The following ADAMTS2 variants were observed in gnomAD, a reference collection of about 807,000 sequenced individuals.
ADAMTS2 encodes the protein ADAM metallopeptidase with thrombospondin type 1 motif 2, also known as A disintegrin and metalloproteinase with thrombospondin motifs 2.
A neutral mutation model predicts 123.0 loss-of-function variants in ADAMTS2; 50 were observed. That is an observed-to-expected ratio of 0.41 (90% CI 0.32 to 0.51). The LOEUF (loss-of-function observed/expected upper bound fraction) is 0.51, where lower values mean the gene tolerates loss of function less well. Ranked by LOEUF, ADAMTS2 falls within the 20% of genes least tolerant of loss-of-function variation. The probability of loss-of-function intolerance (pLI) is 0.35; values close to 1 mark genes in which losing one functional copy is unlikely to be tolerated. For synonymous variants in ADAMTS2, 678 were observed against 695.4 expected, an observed-to-expected ratio of 0.98 and a Z score of 0.39; for missense variants, 1,494 against 1,705.2, an observed-to-expected ratio of 0.88 and a Z score of 2.18.
At chr5:179,207,471 A>ACCCAACCCCCCCCCCCCCCCCCCCCC in intron 4 of ADAMTS2, 42 bp downstream of exon 4, 1 of 1,026,474 alleles carries the variant, frequency 9.7e-7, no homozygotes, top group Non-Finnish European at 1.5e-6. Context: ...CCCCTGGTTG[A>ACCCAACCCCCCCCCCCCCCCCCCCCC]CCCTCCCCGC....
At chr5:179,306,994 G>C (rs1352288868) in intron 2 of ADAMTS2, among the ~76,000 whole-genome samples, 4 of 152,190 alleles carry the variant, frequency 2.6e-5, no homozygotes, top group African/African-American at 9.6e-5. Context: ...ACCAGGGCCA[G>C]TCCCACATCT....
At chr5:179,153,695 G>A in intron 8 of ADAMTS2, 72 bp from the exon 9 acceptor site, 3 of 1,532,340 alleles carry the variant, frequency 2.0e-6, no homozygotes, top group Non-Finnish European at 2.6e-6. Context: ...AGGCAGCTGA[G>A]GCCCCTGCTG....
intron 3 of ADAMTS2, among the ~76,000 whole-genome samples, chr5:179,212,205 G>T (rs962439470): frequency 6.6e-5 from 10 of 151,866 alleles, no homozygotes; most frequent in Non-Finnish European, 4.4e-5. Flanking sequence ...CAGTGGGCAG[G>T]TGTGGGATCT....
intron 3 of ADAMTS2, among the ~76,000 whole-genome samples, chr5:179,233,249 T>C (rs1765450664): frequency 6.6e-6 from 1 of 152,264 alleles, no homozygotes; most frequent in Non-Finnish European, 1.5e-5. Flanking sequence ...GACATTTTTC[T>C]TTCCAATCCT....
chr5:179,303,664 C>T lies in ADAMTS2; in HGVS notation c.535-30600G>A, dbSNP rs1251425014. Among the ~76,000 whole-genome samples, 2 of 152,194 alleles carry T rather than the reference C, an allele frequency of 1.3e-5. No homozygotes were observed. The highest frequency in any genetic ancestry group is 1.9e-4 in the East Asian group (1 of 5,200). On this transcript the variant is annotated intron_variant, in intron 2 of 21. Transcript: ENST00000251582. The surrounding 1 kb of genome is among the most constrained non-coding windows in gnomAD (Gnocchi z 4.7). ...TTTCCTATTTCCTTTTTCTTTTCTT[C>T]GTGTTCTCACACGCCAGCTCATGGC...
intron 3 of ADAMTS2, among the ~76,000 whole-genome samples, chr5:179,218,698 T>G (rs974608785): frequency 6.6e-6 from 1 of 152,206 alleles, no homozygotes; most frequent in Non-Finnish European, 1.5e-5. Flanking sequence ...GGAACCGCTG[T>G]GCCGAATCTC....
chr5:179,344,902 ACT>A (rs1757896643), intron 1 of ADAMTS2, among the ~76,000 whole-genome samples: 1 of 151,580 alleles, frequency 6.6e-6, no homozygotes, highest in South Asian at 2.1e-4. Context: ...GCTGGGGCTG[ACT>A]CTGCGCTCTT....
rs1223164319 is a variant in ADAMTS2, at chr5:179,114,188, C to A, written c.3315G>T (p.Arg1105Ser). 5 of 1,612,150 alleles carry A rather than the reference C, an allele frequency of 3.1e-6. No individual in the cohort carries two copies. Among genetic ancestry groups the A allele is most frequent in the Non-Finnish European group, 4.2e-6 (5 of 1,178,420 alleles). The change falls in exon 22 of 22, where the codon AGG becomes AGT. Residue 1105 changes from arginine to serine, a missense_variant. Around this residue, in one of 6 missense-constraint regions of ADAMTS2, gnomAD observed 953 missense variants for 1,124.7 expected, o/e 0.85. Coordinates refer to ENST00000251582, the MANE Select transcript of ADAMTS2 (RefSeq NM_014244.5). ...TGTGCTTCCCAGGCGGTGGCTCTAT[C>A]CTGCCCTCCACGTTGGTGAGGTTGT... is the stretch of plus-strand genomic sequence containing the variant. ...LYNNLTNVEG[R>S]IEPPPGKHND...
chr5:179,226,725 G>A (rs1290385516), intron 3 of ADAMTS2, among the ~76,000 whole-genome samples: 1 of 152,202 alleles, frequency 6.6e-6, no homozygotes, highest in Non-Finnish European at 1.5e-5. Flanking sequence ...CCTTATCAAA[G>A]TTGAAAATGC....
intron 3 of ADAMTS2, among the ~76,000 whole-genome samples, chr5:179,239,776 G>A (rs566157211): frequency 2.9e-4 from 44 of 152,228 alleles, no homozygotes; most frequent in Non-Finnish European, 4.6e-4. Context: ...AGAGGGTGCG[G>A]GAAGAGGAAG....
chr5:179,329,578 A>G (rs1031420368), intron 2 of ADAMTS2, among the ~76,000 whole-genome samples: 36 of 152,166 alleles, frequency 2.4e-4, no homozygotes, highest in Admixed American at 2.3e-3. Flanking sequence ...TCAAGTCAGG[A>G]AAAAAGCAAA....
At chr5:179,133,869 ATT>A (rs58394791) in intron 13 of ADAMTS2, among the ~76,000 whole-genome samples, 34,812 of 145,074 alleles carry the variant, frequency 0.24, 4,059 homozygotes, top group Non-Finnish European at 0.26. Flanking sequence ...GTCCCAGCTA[ATT>A]TTTTTTTTTT....
intron 10 of ADAMTS2, among the ~76,000 whole-genome samples, chr5:179,147,816 A>T (rs1165916093): frequency 6.6e-6 from 1 of 152,214 alleles, no homozygotes; most frequent in Non-Finnish European, 1.5e-5. Flanking sequence ...GGGGAAGTGT[A>T]TCAGTGGCAC....
At chr5:179,223,703 C>T (rs558304315) in intron 3 of ADAMTS2, among the ~76,000 whole-genome samples, 12 of 152,350 alleles carry the variant, frequency 7.9e-5, no homozygotes, top group East Asian at 1.9e-4. Context: ...AATGCTCTTA[C>T]ATGCACACAA....
At chr5:179,291,371 G>A (rs1190543554) in intron 2 of ADAMTS2, among the ~76,000 whole-genome samples, 1 of 152,208 alleles carries the variant, frequency 6.6e-6, no homozygotes, top group Non-Finnish European at 1.5e-5. Flanking sequence ...CAAAGGTTCC[G>A]TGTCATTTCC....
In ADAMTS2 at chr5:179,303,983, G is replaced by A. The variant is rs191443974; in HGVS notation, c.535-30919C>T. Among the ~76,000 whole-genome samples the A allele has an allele frequency of 8.4e-3, 1,285 of 152,322 alleles. 30 individuals carry two copies. The highest frequency in any genetic ancestry group is 0.055 in the Admixed American group (843 of 15,290). ...TAGAAACTCCTGGGCTCGTGCTTGA[G>A]CCGTGCACGAGTGGGTCTGACCCTA... On this transcript the variant is annotated intron_variant, in intron 2 of 21. Coordinates refer to ENST00000251582, the MANE Select transcript of ADAMTS2 (RefSeq NM_014244.5). The surrounding 1 kb of genome is among the most constrained non-coding windows in gnomAD (Gnocchi z 4.7).
chr5:179,319,213 C>A (rs1055385858), intron 2 of ADAMTS2, among the ~76,000 whole-genome samples: 2 of 152,110 alleles, frequency 1.3e-5, no homozygotes, highest in Non-Finnish European at 1.5e-5. Flanking sequence ...ACACATCACT[C>A]ATATGTGCAT....
chr5:179,313,372 A>G (rs464573), intron 2 of ADAMTS2, among the ~76,000 whole-genome samples: 1 of 4,394 alleles, frequency 2.3e-4, no homozygotes, highest in African/African-American at 6.4e-4. Context: ...ATTCACACTC[A>G]TGCACACACA....
Position 179,136,093 on chromosome 5 carries a change from T to C in ADAMTS2, c.1952-51A>G, listed in dbSNP as rs777124965. ...GCAAGGAGCCCTGATGGCTTCCCCA[T>C]GTGTGTGCAAAGGAGGCACCAAGCA... On this transcript the variant is annotated intron_variant, in intron 12 of 21. Coordinates refer to ENST00000251582, the MANE Select transcript of ADAMTS2 (RefSeq NM_014244.5). 5.0e-6 allele frequency: 8 copies of C among 1,612,654 alleles called. No individual in the cohort carries two copies. The East Asian group carries it at 1.6e-4, about 31-fold the overall frequency.
Sources: gnomAD v4.1 joint callset for allele counts (sites outside exome capture counted in the v4.1 genomes callset) on GRCh38, gnomAD v4.1.1 for gene constraint, gnomAD v4.1.1 regional missense constraint, Gnocchi (gnomAD v3.1) non-coding constraint, MANE v1.5 for transcripts, NCBI Gene and HGNC (gene_info 2026-07-23, HGNC 2026-07-21) for gene names.